Variants in PIK3AP1 observed in about 807,000 individuals in gnomAD.
PIK3AP1 encodes the protein phosphoinositide 3-kinase adapter protein 1.
PIK3AP1 carries 21 observed loss-of-function variants against 88.1 expected under a neutral mutation model. The observed-to-expected ratio is 0.24, with a 90% CI of 0.17 to 0.34. PIK3AP1 has a LOEUF of 0.34. Among genes scored for constraint, PIK3AP1 ranks in the 10% least tolerant of loss-of-function variants. PIK3AP1 has a pLI of 1.00. For synonymous variants in PIK3AP1, 398 were observed against 400.0 expected, an observed-to-expected ratio of 1.00 and a Z score of 0.06; for missense variants, 828 against 1,035.7, an observed-to-expected ratio of 0.80 and a Z score of 2.75.
In PIK3AP1 at chr10:96,595,529, G is replaced by C. The variant is rs903148252; in HGVS notation, c.*48C>G. On this transcript the variant is annotated 3_prime_UTR_variant, in exon 17 of 17. Transcript: ENST00000339364. ...ATGAAGACATCATTAACAGGCTGAA[G>C]ACTGTGAGTCTTAAAGTCCTGAAGT... 2 of 1,554,758 alleles carry C rather than the reference G, an allele frequency of 1.3e-6. No individual in the cohort carries two copies. Among genetic ancestry groups the C allele is most frequent in the Admixed American group, 3.3e-5 (2 of 59,806 alleles).
At chr10:96,706,586 G>A (rs1379991398) in intron 2 of PIK3AP1, among the ~76,000 whole-genome samples, 1 of 152,166 alleles carries the variant, frequency 6.6e-6, no homozygotes, top group Non-Finnish European at 1.5e-5. Context: ...TTAGCCTTGG[G>A]AAGTGTCTTA....
At chr10:96,687,780 G>A (rs536974493) in intron 2 of PIK3AP1, among the ~76,000 whole-genome samples, 3 of 152,192 alleles carry the variant, frequency 2.0e-5, no homozygotes, top group African/African-American at 7.2e-5. Context: ...GTAAACACTA[G>A]ACCCACCCTT....
At chr10:96,626,948 A>T in intron 9 of PIK3AP1, 43 bp from the exon 10 acceptor site, 1 of 1,543,552 alleles carries the variant, frequency 6.5e-7, no homozygotes, top group South Asian at 1.1e-5. Context: ...TGGCCAAACA[A>T]ACTGGGTGAT....
chr10:96,684,409 CCT>C (rs1844042370), intron 2 of PIK3AP1, among the ~76,000 whole-genome samples: 1 of 152,198 alleles, frequency 6.6e-6, no homozygotes, highest in African/African-American at 2.4e-5. Flanking sequence ...TGGCCATTCC[CCT>C]GAGCGAGGCT....
At chr10:96,708,577 A>G (rs1844395428) in intron 2 of PIK3AP1, among the ~76,000 whole-genome samples, 1 of 143,164 alleles carries the variant, frequency 7.0e-6, no homozygotes, top group African/African-American at 2.8e-5. Flanking sequence ...TCTGTCTCAA[A>G]AAAAAAAAAA....
At position 96,648,671 on chromosome 10, in the gene PIK3AP1, G is replaced by A. The variant is rs758437622; in HGVS notation, c.1173C>T (p.Ile391=). ...GCCTTGACCTTACCACATACTCGTC[G>A]ATGAACTGCCGCAGGTCCCTGAAGC... ...KHGFRDLRQF[I]DEYVETVDML... Residue 391 remains isoleucine (I), a synonymous_variant, in exon 7 of 17, where the codon ATC becomes ATT. Transcript: ENST00000339364. 6.2e-6 allele frequency: 10 copies of A among 1,608,006 alleles called. No homozygotes were observed. Among genetic ancestry groups the A allele is most frequent in the East Asian group, 4.5e-5 (2 of 44,362 alleles).
At chr10:96,651,224 C>G (rs1283617904) in intron 6 of PIK3AP1, 24 bp downstream of exon 6, 1 of 1,614,054 alleles carries the variant, frequency 6.2e-7, no homozygotes, top group Admixed American at 1.7e-5. Flanking sequence ...ACGTTGGTTT[C>G]CTGAGGTTTG....
intron 6 of PIK3AP1, among the ~76,000 whole-genome samples, chr10:96,650,789 A>G (rs1843526704): frequency 6.6e-6 from 1 of 152,212 alleles, no homozygotes; most frequent in East Asian, 1.9e-4. Flanking sequence ...GACAGGTGAA[A>G]AAAGCTCATA....
Position 96,720,469 on chromosome 10 carries a change from C to A in PIK3AP1, c.-75G>T. ...GACCGGGGCCGGCGGCGTCCTGGCT[C>A]GGGCTGGAGGGGCGCCGGGCTCCGC... On this transcript the variant is annotated 5_prime_UTR_variant, in exon 1 of 17. Coordinates refer to ENST00000339364, the MANE Select transcript of PIK3AP1 (RefSeq NM_152309.3). The surrounding 1 kb of genome is among the most constrained non-coding windows in gnomAD (Gnocchi z 4.6). 1 of 1,187,810 alleles carries A rather than the reference C, an allele frequency of 8.4e-7. No individual in the cohort carries two copies. Among genetic ancestry groups the A allele is most frequent in the Non-Finnish European group, 1.0e-6 (1 of 955,686 alleles). The allele number at this position is 1,187,810 out of a possible 1,614,324, so 73.6% of individuals were successfully genotyped here. A position where few individuals can be genotyped will look rare whatever the true frequency, so the allele number is the denominator to read the frequency against.
chr10:96,672,386 T>C lies in PIK3AP1; in HGVS notation c.431-15452A>G, dbSNP rs1033559589. 2.0e-5 allele frequency among the ~76,000 whole-genome samples: 3 copies of C among 152,308 alleles called. No homozygotes were observed. The South Asian group carries it at 6.2e-4, about 32-fold the overall frequency. ...CACACAGACAAGGAACAGTATTTCCTTCATTCATCAGGTAATTCACCTGGC... is the reference window on the plus strand; with the variant it reads ...CACACAGACAAGGAACAGTATTTCCCTCATTCATCAGGTAATTCACCTGGC... On this transcript the variant is annotated intron_variant, in intron 2 of 16. Coordinates refer to ENST00000339364, the MANE Select transcript of PIK3AP1 (RefSeq NM_152309.3).
In PIK3AP1 at chr10:96,626,809, G is replaced by C. The variant is rs778102778; in HGVS notation, c.1568C>G (p.Ser523Cys). ...YHTVDDDEAF[S>C]VDLASRPPVP... ...AGGGGGCCTGCTGGCCAGGTCCACAGAAAAGGCCTCATCGTCATCCACCGT... is the reference window on the plus strand; with the variant it reads ...AGGGGGCCTGCTGGCCAGGTCCACACAAAAGGCCTCATCGTCATCCACCGT... Residue 523 changes from serine to cysteine, a missense_variant, in exon 10 of 17, where the codon TCT (serine) becomes TGT (cysteine). Around this residue, in one of 3 missense-constraint regions of PIK3AP1, gnomAD observed 610 missense variants for 760.1 expected, o/e 0.80. Coordinates refer to ENST00000339364, the MANE Select transcript of PIK3AP1 (RefSeq NM_152309.3). The C allele has an allele frequency of 8.1e-6, 13 of 1,614,090 alleles. No homozygotes were observed. The highest frequency in any genetic ancestry group is 1.1e-5 in the Non-Finnish European group (13 of 1,180,018).
intron 9 of PIK3AP1, 79 bp downstream of exon 9, chr10:96,628,319 C>T: frequency 8.0e-7 from 1 of 1,252,708 alleles, no homozygotes; most frequent in South Asian, 1.2e-5. Context: ...GGGGAGCAAC[C>T]CTCATAGAGA....
intron 7 of PIK3AP1, among the ~76,000 whole-genome samples, chr10:96,648,097 G>T (rs1189534925): frequency 6.6e-6 from 1 of 152,140 alleles, no homozygotes; most frequent in Non-Finnish European, 1.5e-5. Context: ...GCAGGAGGTG[G>T]GCCTTAGAGT....
At chr10:96,700,371 C>T (rs1844281602) in intron 2 of PIK3AP1, among the ~76,000 whole-genome samples, 4 of 152,064 alleles carry the variant, frequency 2.6e-5, no homozygotes, top group Admixed American at 6.5e-5. Flanking sequence ...CATTAGTCCT[C>T]GTTAACTATT....
At chr10:96,641,289 C>T (rs967567199) in intron 8 of PIK3AP1, among the ~76,000 whole-genome samples, 2 of 152,142 alleles carry the variant, frequency 1.3e-5, no homozygotes, top group African/African-American at 4.8e-5. Context: ...GCCTTGGATT[C>T]TCTTTGGAGA....
chr10:96,673,442 CCT>C (rs1296602037), intron 2 of PIK3AP1, among the ~76,000 whole-genome samples: 1 of 152,162 alleles, frequency 6.6e-6, no homozygotes, highest in Non-Finnish European at 1.5e-5. Flanking sequence ...CCTGCAGGCC[CCT>C]GTTTCCTCGT....
intron 2 of PIK3AP1, among the ~76,000 whole-genome samples, chr10:96,700,039 T>C (rs1844274802): frequency 6.6e-6 from 1 of 152,230 alleles, no homozygotes; most frequent in African/African-American, 2.4e-5. Context: ...GATGTTTCCA[T>C]TCTGGCATAC....
At chr10:96,700,916 C>A in intron 2 of PIK3AP1, 1 of 980,296 alleles carries the variant, frequency 1.0e-6, no homozygotes, top group Non-Finnish European at 1.2e-6. Context: ...AGGCCAGGCT[C>A]TGAGCCCCTT....
chr10:96,615,933 C>T (rs1394168809), intron 13 of PIK3AP1, among the ~76,000 whole-genome samples: 1 of 152,168 alleles, frequency 6.6e-6, no homozygotes, highest in African/African-American at 2.4e-5. Context: ...CATTCAAGAT[C>T]TGAGTGCCTC....
Sources: gnomAD v4.1 joint callset for allele counts (sites outside exome capture counted in the v4.1 genomes callset) on GRCh38, gnomAD v4.1.1 for gene constraint, gnomAD v4.1.1 regional missense constraint, Gnocchi (gnomAD v3.1) non-coding constraint, MANE v1.5 for transcripts, NCBI Gene and HGNC (gene_info 2026-07-23, HGNC 2026-07-21) for gene names.